The following MDH1 variants were observed in gnomAD, a reference collection of about 807,000 sequenced individuals.
MDH1 encodes the protein malate dehydrogenase 1.
In MDH1, 15 loss-of-function variants were observed where a neutral mutation model predicts 38.7. The ratio of observed to expected loss-of-function variants is 0.39; its 90% CI spans 0.26 to 0.60. The LOEUF is 0.60. Ranked by LOEUF, MDH1 falls within the 20% of genes least tolerant of loss-of-function variation. MDH1 has a pLI of 0.56. For missense variants in MDH1, 368 were observed against 405.2 expected, an observed-to-expected ratio of 0.91 and a Z score of 0.79; for synonymous variants, 144 against 143.6, an observed-to-expected ratio of 1.00 and a Z score of -0.02.
At chr2:63,593,921 T>A (rs982475158) in intron 1 of MDH1, among the ~76,000 whole-genome samples, 2 of 152,226 alleles carry the variant, frequency 1.3e-5, no homozygotes, top group African/African-American at 2.4e-5. Context: ...CTTTTAAAAA[T>A]AATTTTCCCT....
At chr2:63,600,731 C>T (rs1709402707) in intron 5 of MDH1, among the ~76,000 whole-genome samples, 2 of 152,080 alleles carry the variant, frequency 1.3e-5, no homozygotes. Flanking sequence ...CAAATATTCC[C>T]TGAGAGGCTA....
At chr2:63,589,328 A>G in intron 1 of MDH1, 2 of 1,550,662 alleles carry the variant, frequency 1.3e-6, no homozygotes, top group Non-Finnish European at 1.7e-6. Flanking sequence ...GGAGGACAAA[A>G]TGCGACGCTG....
chr2:63,592,301 C>T (rs2106598324), intron 1 of MDH1, among the ~76,000 whole-genome samples: 1 of 152,290 alleles, frequency 6.6e-6, no homozygotes. Context: ...TTCCAGTTTT[C>T]TCAATACATA....
chr2:63,590,514 T>G (rs944146903), intron 1 of MDH1: 9 of 152,228 alleles, frequency 5.9e-5, no homozygotes, highest in Non-Finnish European at 1.2e-4. Flanking sequence ...ATACTGCATA[T>G]ACAAACTCAA....
intron 5 of MDH1, 192 bp downstream of exon 5, chr2:63,599,484 C>T (rs1276774666): frequency 4.5e-6 from 2 of 444,636 alleles, no homozygotes; most frequent in Non-Finnish European, 7.5e-6. Context: ...TCTTAAAGGA[C>T]CAGAGGCTGG....
At chr2:63,592,727 C>A (rs1709224117) in intron 1 of MDH1, among the ~76,000 whole-genome samples, 1 of 152,234 alleles carries the variant, frequency 6.6e-6, no homozygotes, top group Non-Finnish European at 1.5e-5. Context: ...AGTTCTTATA[C>A]ATTTCCATCT....
rs763798440 is a variant in MDH1, at chr2:63,597,392, T to C, written c.200-7T>C. On this transcript the variant is annotated splice_region_variant and splice_polypyrimidine_tract_variant and intron_variant, in intron 3 of 8. Transcript: ENST00000233114. ...GTAGCTCTGCGTATTTATTGCCATG[T>C]CCACAGATGTCATCGCAACAGATAA... is the stretch of plus-strand genomic sequence containing the variant. The C allele has an allele frequency of 2.2e-6, 3 of 1,364,894 alleles. No individual in the cohort carries two copies. The highest frequency in any genetic ancestry group is 1.9e-6 in the Non-Finnish European group (2 of 1,047,282). 84.5% of individuals were successfully genotyped at this position (1,364,894 alleles called of 1,614,324 possible).
rs199931621 is a variant in MDH1, at chr2:63,604,063, ATATGT to A, written c.499-629_499-625del. On this transcript the variant is annotated intron_variant, in intron 5 of 8. Coordinates refer to ENST00000233114, the MANE Select transcript of MDH1 (RefSeq NM_005917.4). ...TGGAGTTATAGCTAGAGATTGTTAC[ATATGT>A]TATAATTTTAGAGTGTATATATGTG... Among the ~76,000 whole-genome samples, 1,434 of 152,342 alleles carry A rather than the reference ATATGT, an allele frequency of 9.4e-3. 19 individuals carry two copies. Among genetic ancestry groups the A allele is most frequent in the African/African-American group, 0.032 (1,318 of 41,582 alleles).
chr2:63,605,166 G>A, intron 6 of MDH1, 114 bp from the exon 7 acceptor site: 1 of 712,498 alleles, frequency 1.4e-6, no homozygotes, highest in Non-Finnish European at 2.4e-6. Flanking sequence ...TGATTTTGGA[G>A]GGGAAACATT....
chr2:63,599,358 A>ATCTTGTGGTTGTTCAACTTT, intron 5 of MDH1, 66 bp downstream of exon 5: 1 of 1,510,068 alleles, frequency 6.6e-7, no homozygotes, highest in Non-Finnish European at 9.0e-7. Context: ...TCACTTTTAA[A>ATCTTGTGGTTGTTCAACTTT]ATAACTGAAT....
At chr2:63,594,850 T>C (rs910649241) in intron 2 of MDH1, 7 of 339,748 alleles carry the variant, frequency 2.1e-5, no homozygotes, top group African/African-American at 1.5e-4. Context: ...CAATGGGAGA[T>C]ATCACTAATG....
chr2:63,593,474 G>C, intron 1 of MDH1: 1 of 448,892 alleles, frequency 2.2e-6, no homozygotes, highest in South Asian at 1.6e-5. Context: ...CTAACTTTCA[G>C]AGCTTAGTGT....
At chr2:63,605,197 C>T in intron 6 of MDH1, 83 bp from the exon 7 acceptor site, 1 of 893,194 alleles carries the variant, frequency 1.1e-6, no homozygotes, top group Non-Finnish European at 1.8e-6. Context: ...CATAGCTTTT[C>T]ACCCCAAGGT....
chr2:63,592,469 G>A (rs1257797849), intron 1 of MDH1, among the ~76,000 whole-genome samples: 1 of 152,094 alleles, frequency 6.6e-6, no homozygotes, highest in African/African-American at 2.4e-5. Context: ...TCCTACCTCA[G>A]CCTCCTGAGT....
chr2:63,604,921 G>T (rs376759599), intron 6 of MDH1, 49 bp downstream of exon 6: 25 of 1,587,834 alleles, frequency 1.6e-5, no homozygotes, highest in Non-Finnish European at 2.1e-5. Context: ...AAGAACTCTT[G>T]AGAGACTCTT....
intron 5 of MDH1, 57 bp from the exon 6 acceptor site, chr2:63,604,639 C>G: frequency 7.2e-7 from 1 of 1,390,942 alleles, no homozygotes; most frequent in Non-Finnish European, 9.9e-7. Flanking sequence ...AAAACAGGTC[C>G]CAATTGGAAA....
chr2:63,598,929 A>C (rs1484249148), intron 4 of MDH1, among the ~76,000 whole-genome samples: 1 of 151,466 alleles, frequency 6.6e-6, no homozygotes, highest in African/African-American at 2.4e-5. Context: ...TATGGGAGTC[A>C]GTCTCTGTAA....
chr2:63,597,725 CT>C, intron 4 of MDH1, 151 bp downstream of exon 4: 1 of 603,428 alleles, frequency 1.7e-6, no homozygotes, highest in East Asian at 3.5e-5. Flanking sequence ...TTGATAAGCT[CT>C]CCCTTTCTGG....
chr2:63,597,052 A>C (rs994584843), intron 3 of MDH1, among the ~76,000 whole-genome samples: 3 of 152,240 alleles, frequency 2.0e-5, no homozygotes, highest in Non-Finnish European at 4.4e-5. Flanking sequence ...GGTTAGGTGA[A>C]TTAGTTGCTC....
Sources: gnomAD v4.1 joint callset for allele counts (sites outside exome capture counted in the v4.1 genomes callset) on GRCh38, gnomAD v4.1.1 for gene constraint, MANE v1.5 for transcripts, NCBI Gene and HGNC (gene_info 2026-07-23, HGNC 2026-07-21) for gene names.